KCNH3: variants seen among roughly 807,000 people sequenced by gnomAD.
The protein encoded by KCNH3 is voltage-gated inwardly rectifying potassium channel KCNH3.
In KCNH3, 36 loss-of-function variants were observed where a neutral mutation model predicts 95.6. The ratio of observed to expected loss-of-function variants is 0.38; its 90% CI spans 0.29 to 0.50. The LOEUF is 0.50. Among genes scored for constraint, KCNH3 ranks in the 20% least tolerant of loss-of-function variants. KCNH3 has a pLI of 0.95. For missense variants in KCNH3, 1,030 were observed against 1,484.1 expected (o/e 0.69, Z 5.03); for synonymous variants, 620 against 646.3 (o/e 0.96, Z 0.62).
intron 4 of KCNH3, 74 bp downstream of exon 4, chr12:49,542,913 C>T: frequency 6.5e-7 from 1 of 1,540,624 alleles, no homozygotes; most frequent in African/African-American, 1.4e-5. Flanking sequence ...ACCTGATCTA[C>T]CACAGAGAGA....
Position 49,539,945 on chromosome 12 carries a change from G to GGA in KCNH3, c.76+457_76+458dup, listed in dbSNP as rs1313974012. On this transcript the variant is annotated intron_variant, in intron 1 of 14. Coordinates refer to ENST00000257981, the MANE Select transcript of KCNH3 (RefSeq NM_012284.3). This position sits in a 1 kb window ranked among gnomAD's most constrained non-coding sequence, Gnocchi z 6.7. Reference sequence around the variant, plus strand: ...CGGAGATAAGAGTAGGCGGCACTCGGGAGAGCACCGTGTGTCCAAGCCCCG... The same window carrying GGA: ...CGGAGATAAGAGTAGGCGGCACTCGGGAGAGAGCACCGTGTGTCCAAGCCCCG... Among the ~76,000 whole-genome samples, 1 of 152,196 alleles carries GGA rather than the reference G, an allele frequency of 6.6e-6. No individual in the cohort carries two copies. Among genetic ancestry groups the GGA allele is most frequent in the Non-Finnish European group, 1.5e-5 (1 of 68,026 alleles).
At position 49,555,885 on chromosome 12, in the gene KCNH3, C is replaced by T. The variant is rs771126189; in HGVS notation, c.2402C>T (p.Pro801Leu). ...LKAEAGPSAP[P>L]RALEGLRLPP... The stretch of plus-strand genomic sequence containing the variant: ...GCTGAGGCTGGCCCCTCTGCTCCCC[C>T]ACGGGCCCTAGAGGGGCTACGGCTG... The change falls in exon 12 of 15, where the codon CCA becomes CTA. Residue 801 changes from proline to leucine, a missense_variant. Around this residue, in one of 9 missense-constraint regions of KCNH3, gnomAD observed 464 missense variants for 493.2 expected, o/e 0.94. Coordinates refer to ENST00000257981, the MANE Select transcript of KCNH3 (RefSeq NM_012284.3). The T allele has an allele frequency of 2.5e-6, 4 of 1,606,486 alleles. No individual in the cohort carries two copies. The highest frequency in any genetic ancestry group is 2.2e-5 in the South Asian group (2 of 90,228).
chr12:49,544,055 G>A lies in KCNH3; in HGVS notation c.964G>A (p.Ala322Thr), dbSNP rs780280591. 2 of 1,611,546 alleles carry A rather than the reference G, an allele frequency of 1.2e-6. No individual in the cohort carries two copies. Among genetic ancestry groups the A allele is most frequent in the African/African-American group, 1.3e-5 (1 of 75,016 alleles). The stretch of plus-strand genomic sequence containing the variant: ...AGCGCTGCCCTTTGACCTGCTACAT[G>A]CCTTCAAGGTCAACGTGGTCAGTGT... The part of the protein sequence containing the change: ...IAALPFDLLH[A>T]FKVNVYFGAH... The change falls in exon 6 of 15, where the codon GCC becomes ACC. Residue 322 changes from alanine (A) to threonine (T), a missense_variant. Coordinates refer to ENST00000257981, the MANE Select transcript of KCNH3 (RefSeq NM_012284.3).
intron 13 of KCNH3, 30 bp from the exon 14 acceptor site, chr12:49,557,153 C>T: frequency 6.2e-7 from 1 of 1,610,770 alleles, no homozygotes; most frequent in Non-Finnish European, 8.5e-7. Flanking sequence ...TTACCAGCCC[C>T]AGCTGATAAC....
intron 14 of KCNH3, 33 bp from the exon 15 acceptor site, chr12:49,557,321 C>T: frequency 6.2e-7 from 1 of 1,612,594 alleles, no homozygotes; most frequent in Non-Finnish European, 8.5e-7. Flanking sequence ...ATGGCTGACT[C>T]CATTCTGACC....
Position 49,556,484 on chromosome 12 carries a change from GGCCCCGGGATGGTCTAGGTTGGTGGGGCA to G in KCNH3, c.2575+14_2575+42del. 6.2e-7 allele frequency: 1 copy of G among 1,605,128 alleles called. No homozygotes were observed. The highest frequency in any genetic ancestry group is 8.5e-7 in the Non-Finnish European group (1 of 1,171,912). ...GCCCCTCCCCTGGACCAGGTACCAG[GGCCCCGGGATGGTCTAGGTTGGTGGGGCA>G]GCCCCTTTGCCTTGTGAACCTCAAG... On this transcript the variant is annotated intron_variant, in intron 13 of 14. Coordinates refer to ENST00000257981, the MANE Select transcript of KCNH3 (RefSeq NM_012284.3).
rs1425721000 is a variant in KCNH3, at chr12:49,554,323, C to A, written c.1919-14C>A. 1 of 1,610,604 alleles carries A rather than the reference C, an allele frequency of 6.2e-7. No homozygotes were observed. Among genetic ancestry groups the A allele is most frequent in the Non-Finnish European group, 8.5e-7 (1 of 1,177,852 alleles). On this transcript the variant is annotated splice_polypyrimidine_tract_variant and intron_variant, in intron 10 of 14. Coordinates refer to ENST00000257981, the MANE Select transcript of KCNH3 (RefSeq NM_012284.3). ...AGCTCTCAGGGCTTGCTGACCTCTA[C>A]TTCCTCTCCCCAGGGAAGGGCGACC...
Position 49,540,882 on chromosome 12 carries a change from G to T in KCNH3, c.77-17G>T. On this transcript the variant is annotated splice_polypyrimidine_tract_variant and intron_variant, in intron 1 of 14. Coordinates refer to ENST00000257981, the MANE Select transcript of KCNH3 (RefSeq NM_012284.3). Reference sequence around the variant, plus strand: ...CCCCTTCACCCCACGCCTCCTCTGAGAAGTGCTCTCTTGCAGACAGTAACT... The same window carrying T: ...CCCCTTCACCCCACGCCTCCTCTGATAAGTGCTCTCTTGCAGACAGTAACT... 1 of 1,609,886 alleles carries T rather than the reference G, an allele frequency of 6.2e-7. No homozygotes were observed.
chr12:49,543,806 A>T, intron 5 of KCNH3, 109 bp from the exon 6 acceptor site: 2 of 1,400,080 alleles, frequency 1.4e-6, no homozygotes, highest in Non-Finnish European at 2.0e-6. Context: ...AAGACGATGT[A>T]TGGGAAGGGC....
chr12:49,550,047 A>ACC, intron 9 of KCNH3, 33 bp from the exon 10 acceptor site: 47 of 539,756 alleles, frequency 8.7e-5, no homozygotes, highest in Non-Finnish European at 1.2e-4. Context: ...TGCCACTCCC[A>ACC]ACCCCCCCAC....
chr12:49,542,745 G>A lies in KCNH3; in HGVS notation c.485G>A (p.Gly162Asp), dbSNP rs544415516. ...CGATATGGCCGGGCACGATCCAAAG[G>A]CTTCAATGCCAACCGGCGGCGGAGC... The part of the protein sequence containing the change: ...RRRYGRARSK[G>D]FNANRRRSRA... Residue 162 changes from glycine to aspartate, a missense_variant, in exon 4 of 15, where the codon GGC (glycine) becomes GAC (aspartate). Physicochemically the swap from Gly to Asp is moderately conservative, Grantham distance 94. Coordinates refer to ENST00000257981, the MANE Select transcript of KCNH3 (RefSeq NM_012284.3). 3 of 1,589,396 alleles carry A rather than the reference G, an allele frequency of 1.9e-6. No individual in the cohort carries two copies. The highest frequency in any genetic ancestry group is 4.6e-5 in the East Asian group (2 of 43,910).
At chr12:49,547,808 C>T (rs1270640708) in intron 7 of KCNH3, among the ~76,000 whole-genome samples, 1 of 152,132 alleles carries the variant, frequency 6.6e-6, no homozygotes, top group Non-Finnish European at 1.5e-5. Flanking sequence ...CCCCAAGCCA[C>T]AGCCACACAT....
Position 49,555,753 on chromosome 12 carries a change from G to T in KCNH3, c.2270G>T (p.Gly757Val). ...DEPSSPLLSPGCTSSSSAAKL... is the reference protein window; with the variant it reads ...DEPSSPLLSPVCTSSSSAAKL... ...CCCTCCAGCCCCCTGCTGTCCCCTG[G>T]CTGCACCTCCTCATCCTCAGCTGCC... is the stretch of plus-strand genomic sequence containing the variant. The change falls in exon 12 of 15, where the codon GGC becomes GTC. Residue 757 changes from glycine (G) to valine (V), a missense_variant. Gly to Val is a moderately radical substitution (Grantham distance 109). Around this residue, in one of 9 missense-constraint regions of KCNH3, gnomAD observed 464 missense variants for 493.2 expected, o/e 0.94. Coordinates refer to ENST00000257981, the MANE Select transcript of KCNH3 (RefSeq NM_012284.3). 1 of 1,613,484 alleles carries T rather than the reference G, an allele frequency of 6.2e-7. No individual in the cohort carries two copies. Among genetic ancestry groups the T allele is most frequent in the Non-Finnish European group, 8.5e-7 (1 of 1,179,824 alleles).
Position 49,548,990 on chromosome 12 carries a change from TGCA to T in KCNH3, c.1297_1299del (p.Ser433del), listed in dbSNP as rs756531305. 1 of 1,610,908 alleles carries T rather than the reference TGCA, an allele frequency of 6.2e-7. No individual in the cohort carries two copies. The highest frequency in any genetic ancestry group is 8.5e-7 in the Non-Finnish European group (1 of 1,179,148). ...GAACAGCTCCGGCCAGAGTGACAAC[TGCA>T]GCAGCAGCAGCGAGGCCAACGGGAC... is the stretch of plus-strand genomic sequence containing the variant. On this transcript the variant is annotated inframe_deletion, in exon 8 of 15. Transcript: ENST00000257981.
At chr12:49,540,783 C>A (rs1937844388) in intron 1 of KCNH3, 116 bp from the exon 2 acceptor site, 1 of 756,160 alleles carries the variant, frequency 1.3e-6, no homozygotes, top group Non-Finnish European at 2.2e-6. Context: ...TTAACACACG[C>A]AGGATTCCTG....
chr12:49,548,979 A>G lies in KCNH3; in HGVS notation c.1274A>G (p.Gln425Arg). ...CCAGCTGGAGGGAACAGCTCCGGCC[A>G]GAGTGACAACTGCAGCAGCAGCAGC... ...RRPAGGNSSG[Q>R]SDNCSSSSEA... The change falls in exon 8 of 15, where the codon CAG becomes CGG. Residue 425 changes from glutamine (Q) to arginine (R), a missense_variant. By Grantham distance (43) the Gln-to-Arg change is conservative. Around this residue, in one of 9 missense-constraint regions of KCNH3, gnomAD observed 50 missense variants for 41.0 expected, o/e 1.22. Transcript: ENST00000257981. 1 of 1,610,708 alleles carries G rather than the reference A, an allele frequency of 6.2e-7. No individual in the cohort carries two copies. The highest frequency in any genetic ancestry group is 8.5e-7 in the Non-Finnish European group (1 of 1,179,034).
At chr12:49,549,287 C>T (rs1269493018) in intron 8 of KCNH3, 114 bp downstream of exon 8, 1 of 1,460,658 alleles carries the variant, frequency 6.8e-7, no homozygotes, top group Non-Finnish European at 9.2e-7. Flanking sequence ...TTTAGGTGGC[C>T]GCGGAACCCG....
chr12:49,548,095 CGTGTGTGTGTGTGTGTGTGT>C (rs369626063), intron 7 of KCNH3, among the ~76,000 whole-genome samples: 10 of 146,616 alleles, frequency 6.8e-5, no homozygotes, highest in Admixed American at 2.0e-4. Flanking sequence ...CCTGTGACTA[CGTGTGTGTGTGTGTGTGTGT>C]GTGTGTGTGT....
chr12:49,558,080 C>A lies in KCNH3; in HGVS notation c.*127C>A. On this transcript the variant is annotated 3_prime_UTR_variant, in exon 15 of 15. Coordinates refer to ENST00000257981, the MANE Select transcript of KCNH3 (RefSeq NM_012284.3). ...CGGCCCGCTGGCTCAGGGCAGGGAG[C>A]CTGGAAGCAAAGGAGGACCTGGCTC... 1 of 1,131,212 alleles carries A rather than the reference C, an allele frequency of 8.8e-7. No homozygotes were observed. The highest frequency in any genetic ancestry group is 1.2e-6 in the Non-Finnish European group (1 of 851,932). 70.1% of individuals were successfully genotyped at this position (1,131,212 alleles called of 1,614,324 possible). A position where few individuals can be genotyped will look rare whatever the true frequency, so the allele number is the denominator to read the frequency against.
Sources: gnomAD v4.1 joint callset for allele counts (sites outside exome capture counted in the v4.1 genomes callset) on GRCh38, gnomAD v4.1.1 for gene constraint, gnomAD v4.1.1 regional missense constraint, Gnocchi (gnomAD v3.1) non-coding constraint, MANE v1.5 for transcripts, NCBI Gene and HGNC (gene_info 2026-07-23, HGNC 2026-07-21) for gene names.